The following MAD1L1 variants were observed in gnomAD, a reference collection of about 807,000 sequenced individuals.
The protein encoded by MAD1L1 is mitotic spindle assembly checkpoint protein MAD1.
Under a neutral mutation model 96.9 loss-of-function variants are expected in MAD1L1, and 95 were observed. The ratio of observed to expected loss-of-function variants is 0.98; its 90% CI spans 0.83 to 1.16. MAD1L1 has a LOEUF of 1.16. MAD1L1 is among the 50% of genes most tolerant of loss of function. The probability of loss-of-function intolerance (pLI) is 0.00; values close to 1 mark genes in which losing one functional copy is unlikely to be tolerated. For synonymous variants in MAD1L1, 473 were observed against 396.6 expected (o/e 1.19, Z -2.29); for missense variants, 1,007 against 954.4 (o/e 1.06, Z -0.73).
At chr7:2,105,526 AT>A (rs565560526) in intron 11 of MAD1L1, among the ~76,000 whole-genome samples, 238 of 152,130 alleles carry the variant, frequency 1.6e-3, no homozygotes, top group African/African-American at 5.7e-3. Context: ...GACAACCCAA[AT>A]GTCTGCTTTG....
At chr7:1,894,215 C>T (rs1786725145) in intron 18 of MAD1L1, among the ~76,000 whole-genome samples, 1 of 152,212 alleles carries the variant, frequency 6.6e-6, no homozygotes, top group Non-Finnish European at 1.5e-5. Flanking sequence ...AGCTCTAGCG[C>T]TGTCTTCTTG....
chr7:1,950,339 C>T (rs565382591), intron 16 of MAD1L1, among the ~76,000 whole-genome samples: 97 of 152,332 alleles, frequency 6.4e-4, no homozygotes, highest in African/African-American at 2.2e-3. Context: ...GTGGCTCTGC[C>T]GCCCTCCTGC....
intron 12 of MAD1L1, among the ~76,000 whole-genome samples, chr7:2,045,316 T>C (rs941313864): frequency 2.0e-5 from 3 of 152,002 alleles, no homozygotes; most frequent in African/African-American, 4.8e-5. Flanking sequence ...CACGTCCCTA[T>C]GAGAGTCCCC....
At chr7:2,229,871 G>C in intron 3 of MAD1L1, 113 bp downstream of exon 3, 1 of 1,163,160 alleles carries the variant, frequency 8.6e-7, no homozygotes, top group East Asian at 2.4e-5. Context: ...ACGAATAGCT[G>C]TCTCTAGGCT....
chr7:2,112,842 T>A (rs1675641627), intron 11 of MAD1L1, among the ~76,000 whole-genome samples: 2 of 150,652 alleles, frequency 1.3e-5, no homozygotes, highest in Admixed American at 1.3e-4. Flanking sequence ...GTTTAGAGCA[T>A]CCTGCAGTGC....
chr7:2,028,260 C>T (rs1259880679), intron 12 of MAD1L1, among the ~76,000 whole-genome samples: 2 of 151,804 alleles, frequency 1.3e-5, no homozygotes, highest in Non-Finnish European at 2.9e-5. Flanking sequence ...CCCGTCTCCA[C>T]TAAAAATACA....
At chr7:2,064,391 C>T (rs536018901) in intron 12 of MAD1L1, among the ~76,000 whole-genome samples, 1 of 152,236 alleles carries the variant, frequency 6.6e-6, no homozygotes, top group East Asian at 1.9e-4. Context: ...CTCCCCTGCC[C>T]CAGATTCCCT....
chr7:2,010,247 C>T (rs1782234670), intron 13 of MAD1L1, among the ~76,000 whole-genome samples: 1 of 151,844 alleles, frequency 6.6e-6, no homozygotes, highest in African/African-American at 2.4e-5. Flanking sequence ...CCACCCACGG[C>T]AGCCAAGTGA....
At chr7:1,851,976 G>A (rs1233033985) in intron 18 of MAD1L1, among the ~76,000 whole-genome samples, 2 of 152,200 alleles carry the variant, frequency 1.3e-5, no homozygotes, top group East Asian at 3.9e-4. Flanking sequence ...GCACGGGTGG[G>A]CGGACAGTGT....
At chr7:1,832,810 G>A (rs1370498259) in intron 18 of MAD1L1, among the ~76,000 whole-genome samples, 2 of 151,208 alleles carry the variant, frequency 1.3e-5, no homozygotes, top group South Asian at 2.1e-4. Context: ...TTTTGTGTTT[G>A]TAGTAGAGAC....
intron 17 of MAD1L1, among the ~76,000 whole-genome samples, chr7:1,921,654 A>ACC (rs547858177): frequency 6.6e-6 from 1 of 152,240 alleles, no homozygotes; most frequent in Non-Finnish European, 1.5e-5. Flanking sequence ...TTAGAATAAT[A>ACC]AACAGGTAAG....
chr7:2,061,496 C>T (rs780332051), intron 12 of MAD1L1, among the ~76,000 whole-genome samples: 11 of 152,236 alleles, frequency 7.2e-5, no homozygotes, highest in African/African-American at 9.6e-5. Flanking sequence ...AAAGTAAGAA[C>T]AACAGCTTTC....
At chr7:1,908,153 A>C (rs1212677258) in intron 17 of MAD1L1, among the ~76,000 whole-genome samples, 1 of 152,212 alleles carries the variant, frequency 6.6e-6, no homozygotes, top group Non-Finnish European at 1.5e-5. Context: ...TGACAGGCCC[A>C]GCAAGTCTGT....
intron 12 of MAD1L1, among the ~76,000 whole-genome samples, chr7:2,023,921 C>G (rs902401294): frequency 1.7e-4 from 26 of 151,600 alleles, no homozygotes; most frequent in Admixed American, 1.4e-3. Context: ...TGCACTTCAG[C>G]CTGGGAGACA....
intron 14 of MAD1L1, among the ~76,000 whole-genome samples, chr7:1,990,425 A>G (rs1781357353): frequency 6.6e-6 from 1 of 152,208 alleles, no homozygotes; most frequent in South Asian, 2.1e-4. Context: ...TCTTAGGTGG[A>G]GTCCACTCTC....
chr7:2,135,188 C>A (rs1788693585), intron 11 of MAD1L1, among the ~76,000 whole-genome samples: 1 of 152,220 alleles, frequency 6.6e-6, no homozygotes, highest in Admixed American at 6.5e-5. Context: ...CTGAGCAGAA[C>A]CTGTGTGTGG....
chr7:1,993,448 T>C (rs1261935496), intron 14 of MAD1L1, among the ~76,000 whole-genome samples: 2 of 151,898 alleles, frequency 1.3e-5, no homozygotes, highest in Non-Finnish European at 2.9e-5. Flanking sequence ...AAGATCATTC[T>C]GAAAGAGAAA....
chr7:2,156,429 A>C (rs1412346709), intron 10 of MAD1L1, among the ~76,000 whole-genome samples: 1 of 148,152 alleles, frequency 6.7e-6, no homozygotes, highest in East Asian at 2.0e-4. Flanking sequence ...CCACTGAATC[A>C]AGACCCCCCT....
intron 18 of MAD1L1, among the ~76,000 whole-genome samples, chr7:1,887,642 T>C (rs1408471729): frequency 6.7e-6 from 1 of 149,080 alleles, no homozygotes; most frequent in Non-Finnish European, 1.5e-5. Flanking sequence ...TGTGCATGCA[T>C]GCATGTGGGT....
Sources: allele counts gnomAD v4.1 joint callset (sites outside exome capture counted in the v4.1 genomes callset), GRCh38; gene constraint gnomAD v4.1.1; transcripts MANE v1.5; gene names NCBI Gene and HGNC (gene_info 2026-07-23, HGNC 2026-07-21).